The following BMPR2 variants were observed in gnomAD, a reference collection of about 807,000 sequenced individuals.
BMPR2 encodes the protein bone morphogenetic protein receptor type 2, also known as bone morphogenetic protein receptor type-2.
A neutral mutation model predicts 100.8 loss-of-function variants in BMPR2; 29 were observed. The ratio of observed to expected loss-of-function variants is 0.29; its 90% CI spans 0.21 to 0.39. The LOEUF (loss-of-function observed/expected upper bound fraction) is 0.39, where lower values mean the gene tolerates loss of function less well. BMPR2 is among the 10% of genes least tolerant of loss of function. The pLI, the probability that BMPR2 is intolerant of heterozygous loss-of-function variation, is 1.00. For synonymous variants in BMPR2, 382 were observed against 442.3 expected, an observed-to-expected ratio of 0.86 and a Z score of 1.71; for missense variants, 1,011 against 1,274.5, an observed-to-expected ratio of 0.79 and a Z score of 3.15.
At chr2:202,534,720 T>C (rs1688097253) in intron 9 of BMPR2, among the ~76,000 whole-genome samples, 4 of 152,168 alleles carry the variant, frequency 2.6e-5, no homozygotes, top group Admixed American at 2.0e-4. Flanking sequence ...TTTCCCGCCT[T>C]TCTATTCCAC....
chr2:202,496,568 C>T (rs754174955), intron 3 of BMPR2, among the ~76,000 whole-genome samples: 5 of 152,116 alleles, frequency 3.3e-5, no homozygotes, highest in Non-Finnish European at 5.9e-5. Flanking sequence ...TGTTTTGACC[C>T]GCATTAATGC....
intron 3 of BMPR2, among the ~76,000 whole-genome samples, chr2:202,499,519 A>C (rs1559056803): frequency 6.6e-6 from 1 of 152,216 alleles, no homozygotes; most frequent in Non-Finnish European, 1.5e-5. Flanking sequence ...GAATTACAAA[A>C]AAGCCCATGA....
At chr2:202,531,105 C>T in intron 8 of BMPR2, 151 bp downstream of exon 8, 1 of 883,278 alleles carries the variant, frequency 1.1e-6, no homozygotes, top group Non-Finnish European at 1.7e-6. Context: ...GAGTTCGAGA[C>T]CAGCTTGGCC....
intron 1 of BMPR2, among the ~76,000 whole-genome samples, chr2:202,456,213 C>T (rs1692099041): frequency 6.6e-6 from 1 of 151,490 alleles, no homozygotes. Context: ...GCCGTGTCGC[C>T]CAGGCTGGAG....
chr2:202,402,778 T>C (rs980934708), intron 1 of BMPR2, among the ~76,000 whole-genome samples: 5 of 151,492 alleles, frequency 3.3e-5, no homozygotes, highest in African/African-American at 4.9e-5. Context: ...GCTATTCTTA[T>C]GCCTCAGCCT....
chr2:202,528,397 C>T (rs1687957873), intron 7 of BMPR2, among the ~76,000 whole-genome samples: 1 of 152,120 alleles, frequency 6.6e-6, no homozygotes, highest in Admixed American at 6.5e-5. Context: ...CTGTGTTGGC[C>T]AGGATGGTCT....
At chr2:202,424,156 T>C (rs1691332693) in intron 1 of BMPR2, among the ~76,000 whole-genome samples, 3 of 150,498 alleles carry the variant, frequency 2.0e-5, no homozygotes, top group Admixed American at 1.3e-4. Context: ...GGCAGATCAC[T>C]TGAAGTCAGG....
chr2:202,504,600 CCA>C (rs1332206292), intron 3 of BMPR2, among the ~76,000 whole-genome samples: 2 of 152,068 alleles, frequency 1.3e-5, no homozygotes, highest in African/African-American at 4.8e-5. Flanking sequence ...GACCAAGAAC[CCA>C]CCAATTCCGG....
chr2:202,519,132 C>T, intron 6 of BMPR2, 80 bp downstream of exon 6: 2 of 1,417,684 alleles, frequency 1.4e-6, no homozygotes, highest in Non-Finnish European at 2.0e-6. Context: ...GAGGCTAAGG[C>T]AGGTGGATCA....
At chr2:202,455,042 A>G (rs1692065447) in intron 1 of BMPR2, among the ~76,000 whole-genome samples, 1 of 152,074 alleles carries the variant, frequency 6.6e-6, no homozygotes, top group Admixed American at 6.6e-5. Flanking sequence ...ATCCTATCTC[A>G]TGACGTCCTT....
At chr2:202,462,371 C>T (rs1692239915) in intron 1 of BMPR2, among the ~76,000 whole-genome samples, 1 of 151,972 alleles carries the variant, frequency 6.6e-6, no homozygotes, top group African/African-American at 2.4e-5. Context: ...CAGGCATGCG[C>T]CTGCATGCCC....
At position 202,437,970 on chromosome 2, in the gene BMPR2, T is replaced by G. The variant is rs142420780; in HGVS notation, c.77-26839T>G. Among the ~76,000 whole-genome samples the G allele has an allele frequency of 2.4e-3, 361 of 150,518 alleles. 29 individuals are homozygous for G. The highest frequency in any genetic ancestry group is 8.5e-3 in the African/African-American group (340 of 39,900). On this transcript the variant is annotated intron_variant, in intron 1 of 12. Coordinates refer to ENST00000374580, the MANE Select transcript of BMPR2 (RefSeq NM_001204.7). Reference sequence around the variant, plus strand: ...TTGTGGACATATGTTTTTATATCTCTTGCATATACCCAAGAGTGAAATTGC... The same window carrying G: ...TTGTGGACATATGTTTTTATATCTCGTGCATATACCCAAGAGTGAAATTGC...
intron 3 of BMPR2, among the ~76,000 whole-genome samples, chr2:202,512,564 C>T (rs567649889): frequency 6.6e-6 from 1 of 152,290 alleles, no homozygotes; most frequent in South Asian, 2.1e-4. Context: ...GTTCTTTCTA[C>T]CCATCACAGT....
chr2:202,459,863 G>A (rs1574460335), intron 1 of BMPR2, among the ~76,000 whole-genome samples: 1 of 152,266 alleles, frequency 6.6e-6, no homozygotes, highest in Middle Eastern at 3.4e-3. Flanking sequence ...TGCAAACTAT[G>A]CAACTGACAA....
At chr2:202,513,891 C>T in intron 4 of BMPR2, 62 bp downstream of exon 4, 1 of 1,330,092 alleles carries the variant, frequency 7.5e-7, no homozygotes, top group South Asian at 1.2e-5. Flanking sequence ...AATTTATTTG[C>T]TCCTTTTAAA....
At chr2:202,462,042 G>A (rs1692235336) in intron 1 of BMPR2, among the ~76,000 whole-genome samples, 3 of 152,008 alleles carry the variant, frequency 2.0e-5, no homozygotes, top group African/African-American at 7.3e-5. Flanking sequence ...ATTTTGAAGA[G>A]ATGGTCTTTC....
intron 3 of BMPR2, among the ~76,000 whole-genome samples, chr2:202,499,961 T>A (rs1687345469): frequency 6.6e-6 from 1 of 152,118 alleles, no homozygotes; most frequent in Admixed American, 6.5e-5. Context: ...AAAAAGATTG[T>A]CCAATGAGAA....
chr2:202,377,700 C>A, intron 1 of BMPR2, 150 bp downstream of exon 1: 1 of 868,322 alleles, frequency 1.2e-6, no homozygotes, highest in Non-Finnish European at 1.8e-6. Context: ...TGCGCGCCTG[C>A]CCCATGCCTT....
At chr2:202,390,476 C>T (rs1037332949) in intron 1 of BMPR2, among the ~76,000 whole-genome samples, 1 of 151,954 alleles carries the variant, frequency 6.6e-6, no homozygotes, top group African/African-American at 2.4e-5. Flanking sequence ...GAATTACAGG[C>T]ACGTGCCACC....
Sources: allele counts gnomAD v4.1 joint callset (sites outside exome capture counted in the v4.1 genomes callset), GRCh38; gene constraint gnomAD v4.1.1; transcripts MANE v1.5; gene names NCBI Gene and HGNC (gene_info 2026-07-23, HGNC 2026-07-21).